TANC2: variants seen among roughly 807,000 people sequenced by gnomAD.
The protein encoded by TANC2 is protein TANC2.
In TANC2, 26 loss-of-function variants were observed where a neutral mutation model predicts 210.5. The ratio of observed to expected loss-of-function variants is 0.12; its 90% CI spans 0.09 to 0.17. The LOEUF is 0.17. Ranked by LOEUF, TANC2 falls within the 10% of genes least tolerant of loss-of-function variation. The probability of loss-of-function intolerance (pLI) is 1.00; values close to 1 mark genes in which losing one functional copy is unlikely to be tolerated. For synonymous variants in TANC2, 931 were observed against 967.1 expected (o/e 0.96, Z 0.69); for missense variants, 2,129 against 2,608.9 (o/e 0.82, Z 4.01).
chr17:63,132,414 A>G (rs933120565), intron 4 of TANC2, among the ~76,000 whole-genome samples: 4 of 152,208 alleles, frequency 2.6e-5, no homozygotes, highest in African/African-American at 9.6e-5. Flanking sequence ...TTGCTACCAT[A>G]CAACCAAGAA....
chr17:63,306,302 A>T (rs1184842015), intron 9 of TANC2, among the ~76,000 whole-genome samples: 12 of 152,222 alleles, frequency 7.9e-5, no homozygotes, highest in Admixed American at 7.9e-4. Context: ...AGGAACTTTC[A>T]TTTTAATTAT....
intron 9 of TANC2, among the ~76,000 whole-genome samples, chr17:63,272,753 T>C (rs1056201366): frequency 2.0e-5 from 3 of 152,132 alleles, no homozygotes; most frequent in African/African-American, 7.2e-5. Flanking sequence ...ATCCTAGAGA[T>C]GGTAGTTAAT....
At chr17:63,343,470 C>T (rs1382118211) in intron 12 of TANC2, among the ~76,000 whole-genome samples, 31 of 152,130 alleles carry the variant, frequency 2.0e-4, no homozygotes, top group Admixed American at 2.0e-3. Context: ...AGCTATAGTC[C>T]CAACTGCTCT....
chr17:63,009,928 T>C (rs536354249), intron 2 of TANC2, among the ~76,000 whole-genome samples: 1 of 152,298 alleles, frequency 6.6e-6, no homozygotes, highest in East Asian at 1.9e-4. Flanking sequence ...GTTTTTGAAT[T>C]AACAAATGAA....
chr17:62,977,504 T>C (rs1197096819), intron 1 of TANC2, among the ~76,000 whole-genome samples: 1 of 152,194 alleles, frequency 6.6e-6, no homozygotes, highest in Non-Finnish European at 1.5e-5. Context: ...TCTCCTTGCT[T>C]TAGATAATTT....
chr17:63,265,150 T>A (rs2043485155), intron 8 of TANC2, among the ~76,000 whole-genome samples: 1 of 152,176 alleles, frequency 6.6e-6, no homozygotes, highest in South Asian at 2.1e-4. Context: ...ACAGGTTGAG[T>A]ATTCCTAATC....
At chr17:63,065,260 G>A (rs1480343196) in intron 2 of TANC2, among the ~76,000 whole-genome samples, 1 of 152,172 alleles carries the variant, frequency 6.6e-6, no homozygotes, top group Non-Finnish European at 1.5e-5. Context: ...ATTACATTGT[G>A]TATTCACCCA....
At chr17:63,299,550 T>C (rs1342454173) in intron 9 of TANC2, among the ~76,000 whole-genome samples, 1 of 151,508 alleles carries the variant, frequency 6.6e-6, no homozygotes, top group Non-Finnish European at 1.5e-5. Context: ...TTTTTTTTTT[T>C]TGTATGCTTG....
At chr17:63,088,934 A>T (rs1254826308) in intron 3 of TANC2, 1 of 152,188 alleles carries the variant, frequency 6.6e-6, no homozygotes, top group Non-Finnish European at 1.5e-5. Flanking sequence ...CTGCAGAATA[A>T]CATTAGCACT....
chr17:63,207,782 C>T (rs1304378011), intron 7 of TANC2, among the ~76,000 whole-genome samples: 24 of 152,086 alleles, frequency 1.6e-4, no homozygotes, highest in Admixed American at 1.6e-3. Context: ...AAATGTGTCT[C>T]TTTCAACTTT....
At chr17:63,168,136 AG>A (rs933995300) in intron 5 of TANC2, among the ~76,000 whole-genome samples, 9 of 152,072 alleles carry the variant, frequency 5.9e-5, no homozygotes, top group African/African-American at 2.2e-4. Flanking sequence ...GGGAGGACGA[AG>A]TAGAAGGATT....
intron 2 of TANC2, among the ~76,000 whole-genome samples, chr17:63,021,442 C>T (rs952794762): frequency 2.0e-5 from 3 of 152,136 alleles, no homozygotes; most frequent in Non-Finnish European, 4.4e-5. Flanking sequence ...TAAAGCAGGT[C>T]AGCCTCCTTT....
chr17:63,194,081 A>C lies in TANC2; in HGVS notation c.524A>C (p.Lys175Thr), dbSNP rs374177469. The C allele has an allele frequency of 1.2e-6, 2 of 1,613,344 alleles. No individual in the cohort carries two copies. The highest frequency in any genetic ancestry group is 2.7e-5 in the African/African-American group (2 of 74,950). Residue 175 changes from lysine to threonine, a missense_variant, in exon 6 of 28, where the codon AAA becomes ACA. Around this residue, in one of 5 missense-constraint regions of TANC2, gnomAD observed 739 missense variants for 848.0 expected, o/e 0.87. Transcript: ENST00000689528. ...CGTCTGGGTTTCCTCCTTGGAGAGA[A>C]AGTCACAGAAGTTCAGCCAGGTGAC...
intron 12 of TANC2, among the ~76,000 whole-genome samples, chr17:63,350,868 CAGAT>C (rs1434326115): frequency 8.7e-6 from 1 of 114,572 alleles, no homozygotes; most frequent in Non-Finnish European, 1.7e-5. Flanking sequence ...TTAATGCTGT[CAGAT>C]AGGGAAAAAA....
chr17:63,381,452 G>T (rs2047606123), intron 15 of TANC2: 1 of 152,174 alleles, frequency 6.6e-6, no homozygotes, highest in Non-Finnish European at 1.5e-5. Context: ...CTGTTGAGAG[G>T]CTTTAACTTC....
At chr17:63,103,126 ATAGT>A (rs987028438) in intron 4 of TANC2, among the ~76,000 whole-genome samples, 1 of 152,212 alleles carries the variant, frequency 6.6e-6, no homozygotes, top group Non-Finnish European at 1.5e-5. Context: ...TGATCTTTAA[ATAGT>A]CATTATTAGT....
intron 2 of TANC2, among the ~76,000 whole-genome samples, chr17:63,011,015 T>G (rs921071831): frequency 6.6e-6 from 1 of 152,048 alleles, no homozygotes; most frequent in African/African-American, 2.4e-5. Flanking sequence ...AGCCCATCTC[T>G]CCTCTCTAGA....
At chr17:63,078,778 A>C (rs1000486780) in intron 3 of TANC2, among the ~76,000 whole-genome samples, 3 of 152,112 alleles carry the variant, frequency 2.0e-5, no homozygotes, top group Non-Finnish European at 4.4e-5. Flanking sequence ...AATCATTTTA[A>C]ATTTGTTAAG....
chr17:63,200,661 T>C, intron 6 of TANC2, 110 bp from the exon 7 acceptor site: 1 of 968,982 alleles, frequency 1.0e-6, no homozygotes, highest in Non-Finnish European at 1.5e-6. Context: ...CTAATAGATG[T>C]AAAAGCTATG....
Sources: gnomAD v4.1 joint callset for allele counts (sites outside exome capture counted in the v4.1 genomes callset) on GRCh38, gnomAD v4.1.1 for gene constraint, gnomAD v4.1.1 regional missense constraint, MANE v1.5 for transcripts, NCBI Gene and HGNC (gene_info 2026-07-23, HGNC 2026-07-21) for gene names.